PALM2AKAP2: variants seen among roughly 807,000 people sequenced by gnomAD.
The protein encoded by PALM2AKAP2 is PALM2 and AKAP2 fusion, also known as PALM2-AKAP2 fusion protein.
A neutral mutation model predicts 71.5 loss-of-function variants in PALM2AKAP2; 37 were observed. The ratio of observed to expected loss-of-function variants is 0.52; its 90% CI spans 0.40 to 0.68. The LOEUF (loss-of-function observed/expected upper bound fraction) is 0.68, where lower values mean the gene tolerates loss of function less well. Among genes scored for constraint, PALM2AKAP2 ranks in the 30% least tolerant of loss-of-function variants. The pLI is 0.00. For missense variants in PALM2AKAP2, 1,224 were observed against 1,191.8 expected, an observed-to-expected ratio of 1.03 and a Z score of -0.40; for synonymous variants, 468 against 478.8, an observed-to-expected ratio of 0.98 and a Z score of 0.29.
At chr9:109,906,136 C>T (rs542729703) in intron 3 of PALM2AKAP2, among the ~76,000 whole-genome samples, 40 of 152,252 alleles carry the variant, frequency 2.6e-4, no homozygotes, top group Non-Finnish European at 2.2e-4. Context: ...CCAGGGCTCC[C>T]ACCAACCCCA....
At chr9:110,010,151 C>T (rs563303703) in intron 6 of PALM2AKAP2, among the ~76,000 whole-genome samples, 17 of 152,138 alleles carry the variant, frequency 1.1e-4, no homozygotes, top group Non-Finnish European at 1.9e-4. Flanking sequence ...ATAAACATAA[C>T]CTCAGCTACA....
intron 1 of PALM2AKAP2, among the ~76,000 whole-genome samples, chr9:110,123,794 T>A (rs1420513332): frequency 6.6e-6 from 1 of 152,174 alleles, no homozygotes; most frequent in East Asian, 1.9e-4. Flanking sequence ...ATGGAGTGGG[T>A]CCCGGGTGCC....
At position 109,862,517 on chromosome 9, in the gene PALM2AKAP2, A is replaced by G. The variant is rs550209631; in HGVS notation, c.46-4974A>G. Among the ~76,000 whole-genome samples, 9 of 152,250 alleles carry G rather than the reference A, an allele frequency of 5.9e-5. No homozygotes were observed. In the South Asian group the frequency reaches 1.2e-3, roughly 21 times the overall value. On this transcript the variant is annotated intron_variant, in intron 1 of 9. Coordinates refer to the PALM2AKAP2 transcript ENST00000302798. ...TATGTTTTTTCACTTCTCTCCTGGT[A>G]TCCGTGTGTCTGTCCCTAGAAATGT...
intron 3 of PALM2AKAP2, among the ~76,000 whole-genome samples, chr9:109,892,872 C>A (rs1830117586): frequency 6.6e-6 from 1 of 152,078 alleles, no homozygotes; most frequent in Non-Finnish European, 1.5e-5. Context: ...CTGTCTTGGA[C>A]TTTGTGCCCA....
intron 2 of PALM2AKAP2, 89 bp from the exon 3 acceptor site, chr9:109,880,462 G>A: frequency 6.5e-7 from 1 of 1,542,434 alleles, no homozygotes; most frequent in Non-Finnish European, 8.8e-7. Flanking sequence ...CTGGTGAGGG[G>A]TGGAGCTAAA....
intron 2 of PALM2AKAP2, among the ~76,000 whole-genome samples, chr9:110,146,159 A>G (rs890950997): frequency 2.0e-5 from 3 of 151,750 alleles, no homozygotes; most frequent in Non-Finnish European, 4.4e-5. Context: ...CGGCCTCCCA[A>G]AGTGCTGGGA....
intron 3 of PALM2AKAP2, among the ~76,000 whole-genome samples, chr9:109,886,308 A>G (rs967135523): frequency 7.9e-5 from 12 of 152,162 alleles, no homozygotes; most frequent in Non-Finnish European, 1.6e-4. Context: ...GATTGTAGGT[A>G]GTTCGAGCCA....
chr9:109,933,789 C>T (rs755503843), intron 6 of PALM2AKAP2, among the ~76,000 whole-genome samples: 1 of 152,190 alleles, frequency 6.6e-6, no homozygotes, highest in Non-Finnish European at 1.5e-5. Flanking sequence ...TGTGGGATTA[C>T]ATATAAGCAG....
At chr9:109,994,571 C>T (rs1832540150) in intron 6 of PALM2AKAP2, among the ~76,000 whole-genome samples, 1 of 152,130 alleles carries the variant, frequency 6.6e-6, no homozygotes, top group South Asian at 2.1e-4. Context: ...AACAAACCAA[C>T]CCCCTCACCC....
intron 3 of PALM2AKAP2, among the ~76,000 whole-genome samples, chr9:109,920,235 C>G (rs998214257): frequency 3.3e-5 from 5 of 152,210 alleles, no homozygotes; most frequent in African/African-American, 1.2e-4. Flanking sequence ...TGCCAAGGGA[C>G]TGGGAAGTGT....
chr9:109,824,773 A>G (rs1171798297), intron 1 of PALM2AKAP2, among the ~76,000 whole-genome samples: 4 of 152,246 alleles, frequency 2.6e-5, no homozygotes, highest in Non-Finnish European at 5.9e-5. Context: ...ATTTTCATCT[A>G]TTAAGAGATT....
intron 3 of PALM2AKAP2, among the ~76,000 whole-genome samples, chr9:109,921,708 G>A (rs771763437): frequency 6.6e-6 from 1 of 152,236 alleles, no homozygotes; most frequent in Non-Finnish European, 1.5e-5. Context: ...TGGGGTACAT[G>A]TGGGCAAATA....
At chr9:109,703,236 C>G (rs887508139) in intron 1 of PALM2AKAP2, among the ~76,000 whole-genome samples, 14 of 151,980 alleles carry the variant, frequency 9.2e-5, no homozygotes, top group African/African-American at 3.1e-4. Flanking sequence ...GTCAGTATTC[C>G]CAGTAAAATG....
intron 6 of PALM2AKAP2, chr9:109,946,687 CAAAAAAAAAAAA>C (rs746162235): frequency 5.3e-5 from 2 of 37,840 alleles, no homozygotes; most frequent in African/African-American, 1.9e-4. Context: ...AACTCCATCT[CAAAAAAAAAAAA>C]AAAAAAAAAA....
intron 1 of PALM2AKAP2, among the ~76,000 whole-genome samples, chr9:109,807,764 A>G (rs1443087514): frequency 6.6e-6 from 1 of 152,134 alleles, no homozygotes; most frequent in African/African-American, 2.4e-5. Context: ...CCCGACCCAA[A>G]TCTCATCTTG....
chr9:109,788,886 T>A (rs754193576), intron 1 of PALM2AKAP2, among the ~76,000 whole-genome samples: 2 of 152,206 alleles, frequency 1.3e-5, no homozygotes, highest in Non-Finnish European at 2.9e-5. Context: ...TGCAGTGAGC[T>A]ATGATCACTG....
chr9:109,989,657 G>C (rs138337833), intron 6 of PALM2AKAP2, among the ~76,000 whole-genome samples: 2 of 152,182 alleles, frequency 1.3e-5, no homozygotes, highest in Non-Finnish European at 2.9e-5. Context: ...CTGCTGTCAG[G>C]GGTAACATGG....
intron 1 of PALM2AKAP2, among the ~76,000 whole-genome samples, chr9:109,699,678 T>C (rs1828023569): frequency 6.6e-6 from 1 of 152,182 alleles, no homozygotes; most frequent in Non-Finnish European, 1.5e-5. Context: ...AATATTAAGA[T>C]TGATTATTCA....
At chr9:109,687,152 G>A (rs974063554) in intron 1 of PALM2AKAP2, among the ~76,000 whole-genome samples, 3 of 152,060 alleles carry the variant, frequency 2.0e-5, no homozygotes, top group African/African-American at 7.2e-5. Flanking sequence ...GAGTAGATTC[G>A]CATAATTCTT....
Sources: gnomAD v4.1 joint callset for allele counts (sites outside exome capture counted in the v4.1 genomes callset) on GRCh38, gnomAD v4.1.1 for gene constraint, MANE v1.5 for transcripts, NCBI Gene and HGNC (gene_info 2026-07-23, HGNC 2026-07-21) for gene names.